The following RASAL2 variants were observed in gnomAD, a reference collection of about 807,000 sequenced individuals.
The protein encoded by RASAL2 is RAS protein activator like 2, also known as ras GTPase-activating protein nGAP.
In RASAL2, 58 loss-of-function variants were observed where a neutral mutation model predicts 128.9. The observed-to-expected ratio is 0.45, with a 90% confidence interval of 0.36 to 0.56. RASAL2 has a LOEUF of 0.56. Among genes scored for constraint, RASAL2 ranks in the 20% least tolerant of loss-of-function variants. The pLI is 0.00. For synonymous variants in RASAL2, 561 were observed against 580.8 expected, an observed-to-expected ratio of 0.97 and a Z score of 0.49; for missense variants, 1,360 against 1,601.6, an observed-to-expected ratio of 0.85 and a Z score of 2.57.
intron 4 of RASAL2, among the ~76,000 whole-genome samples, chr1:178,393,662 C>T (rs577190071): frequency 1.3e-5 from 2 of 152,262 alleles, no homozygotes; most frequent in African/African-American, 2.4e-5. Context: ...TTCCTTCTTT[C>T]GCTCTCATTC....
At chr1:178,408,193 G>C (rs1674110404) in intron 4 of RASAL2, among the ~76,000 whole-genome samples, 2 of 152,140 alleles carry the variant, frequency 1.3e-5, no homozygotes, top group African/African-American at 4.8e-5. Flanking sequence ...GAAAAAATTG[G>C]ATAGAGTAGG....
chr1:178,337,755 G>A (rs1669665560), intron 3 of RASAL2, among the ~76,000 whole-genome samples: 2 of 151,750 alleles, frequency 1.3e-5, no homozygotes, highest in Non-Finnish European at 1.5e-5. Flanking sequence ...TTTTGAGACG[G>A]AGTTTTGCTC....
intron 15 of RASAL2, among the ~76,000 whole-genome samples, chr1:178,465,547 GT>G (rs201534921): frequency 3.3e-5 from 5 of 151,128 alleles, no homozygotes; most frequent in East Asian, 1.9e-4. Context: ...ACTTCATCTG[GT>G]TTTTTTTTCC....
intron 3 of RASAL2, among the ~76,000 whole-genome samples, chr1:178,337,785 G>T (rs1230523741): frequency 6.6e-6 from 1 of 151,726 alleles, no homozygotes; most frequent in African/African-American, 2.4e-5. Context: ...AGGCTGGAGT[G>T]CAGTGGCGCA....
At chr1:178,167,638 T>C (rs759918499) in intron 1 of RASAL2, among the ~76,000 whole-genome samples, 53 of 152,112 alleles carry the variant, frequency 3.5e-4, no homozygotes, top group Non-Finnish European at 6.9e-4. Flanking sequence ...GAAGCCTTAC[T>C]GATAACATAA....
At chr1:178,342,488 A>G (rs572358799) in intron 3 of RASAL2, among the ~76,000 whole-genome samples, 1 of 152,334 alleles carries the variant, frequency 6.6e-6, no homozygotes, top group Non-Finnish European at 1.5e-5. Context: ...TATGGAGAGG[A>G]GGTATTGAGA....
intron 3 of RASAL2, among the ~76,000 whole-genome samples, chr1:178,364,509 C>T (rs148205530): frequency 6.6e-6 from 1 of 152,182 alleles, no homozygotes; most frequent in African/African-American, 2.4e-5. Context: ...TAGCACCTCA[C>T]GTACTACCTA....
chr1:178,284,979 C>T (rs998354079), intron 2 of RASAL2, among the ~76,000 whole-genome samples: 4 of 152,052 alleles, frequency 2.6e-5, no homozygotes, highest in African/African-American at 9.7e-5. Context: ...TCTTGCTCCT[C>T]CTTCCTTCCC....
chr1:178,147,768 A>G lies in RASAL2; in HGVS notation c.202+53074A>G, dbSNP rs989812078. Among the ~76,000 whole-genome samples the G allele has an allele frequency of 2.0e-4, 30 of 152,234 alleles. 1 individual carries two copies. The highest frequency in any genetic ancestry group is 6.3e-4 in the African/African-American group (26 of 41,534). On this transcript the variant is annotated intron_variant, in intron 1 of 17. Coordinates refer to ENST00000367649, the MANE Select transcript of RASAL2 (RefSeq NM_170692.4). ...GTGGATTTCAATTTCCAGCTTTACT[A>G]TAAAATGATTGAGTGATTGGGCTGG...
At chr1:178,471,530 G>A (rs1388484152) in intron 17 of RASAL2, among the ~76,000 whole-genome samples, 1 of 152,008 alleles carries the variant, frequency 6.6e-6, no homozygotes, top group African/African-American at 2.4e-5. Context: ...TGCTGATTTT[G>A]TATATCTTAC....
chr1:178,300,131 G>A lies in RASAL2; in HGVS notation c.457+13G>A. The A allele has an allele frequency of 1.3e-6, 2 of 1,597,994 alleles. No homozygotes were observed. Among genetic ancestry groups the A allele is most frequent in the Non-Finnish European group, 1.7e-6 (2 of 1,174,566 alleles). ...GCCACTAAACTGGGTAAGCTACTATGAAAAGGAAATAAATTCCTAGCTTTT... is the reference window on the plus strand; with the variant it reads ...GCCACTAAACTGGGTAAGCTACTATAAAAAGGAAATAAATTCCTAGCTTTT... On this transcript the variant is annotated intron_variant, in intron 3 of 17. Transcript: ENST00000367649.
At chr1:178,439,660 A>G (rs10913550) in intron 6 of RASAL2, 85 bp downstream of exon 6, 195,715 of 1,250,540 alleles carry the variant, frequency 0.16, 21,312 homozygotes, top group African/African-American at 0.56. Context: ...TCATTGCTGT[A>G]CAGTTGATGA....
chr1:178,259,332 C>T (rs1308094164), intron 1 of RASAL2, among the ~76,000 whole-genome samples: 2 of 151,524 alleles, frequency 1.3e-5, no homozygotes, highest in African/African-American at 4.9e-5. Context: ...GGGGTTTCAC[C>T]GTGTTAGCCA....
intron 14 of RASAL2, among the ~76,000 whole-genome samples, chr1:178,459,656 A>G (rs1462199118): frequency 3.3e-5 from 5 of 152,272 alleles, no homozygotes; most frequent in Non-Finnish European, 7.4e-5. Flanking sequence ...TGATTTTTTA[A>G]TTGGATTATT....
At chr1:178,182,213 T>C (rs1309864904) in intron 1 of RASAL2, among the ~76,000 whole-genome samples, 1 of 152,234 alleles carries the variant, frequency 6.6e-6, no homozygotes, top group African/African-American at 2.4e-5. Context: ...CAAATTGTTC[T>C]AGCTTTAGCC....
At chr1:178,169,339 T>C (rs1407621179) in intron 1 of RASAL2, among the ~76,000 whole-genome samples, 1 of 152,178 alleles carries the variant, frequency 6.6e-6, no homozygotes, top group Non-Finnish European at 1.5e-5. Context: ...TATTAGAAGA[T>C]TGTATTTCAA....
intron 1 of RASAL2, among the ~76,000 whole-genome samples, chr1:178,281,123 G>T (rs982612460): frequency 1.1e-4 from 16 of 151,378 alleles, no homozygotes; most frequent in Non-Finnish European, 8.9e-5. Context: ...TTTTTTTCTT[G>T]TTTTTTTTCC....
intron 9 of RASAL2, among the ~76,000 whole-genome samples, chr1:178,449,064 A>G (rs1404591138): frequency 6.6e-6 from 1 of 152,176 alleles, no homozygotes; most frequent in African/African-American, 2.4e-5. Flanking sequence ...AAGTTTTGCT[A>G]TATTTCATAT....
intron 9 of RASAL2, among the ~76,000 whole-genome samples, 166 bp downstream of exon 9, chr1:178,445,828 T>C (rs779518795): frequency 6.6e-6 from 1 of 152,116 alleles, no homozygotes; most frequent in Non-Finnish European, 1.5e-5. Flanking sequence ...TACTCACCAG[T>C]AGAGAAATAA....
Sources: allele counts gnomAD v4.1 joint callset (sites outside exome capture counted in the v4.1 genomes callset), GRCh38; gene constraint gnomAD v4.1.1; transcripts MANE v1.5; gene names NCBI Gene and HGNC (gene_info 2026-07-23, HGNC 2026-07-21).